The following THEMIS variants were observed in gnomAD, a reference collection of about 807,000 sequenced individuals.
THEMIS encodes protein THEMIS.
A neutral mutation model predicts 52.6 loss-of-function variants in THEMIS; 37 were observed. The observed-to-expected ratio is 0.70, with a 90% CI of 0.54 to 0.93. The LOEUF is 0.93. Ranked by LOEUF, THEMIS falls within the 40% of genes least tolerant of loss-of-function variation. THEMIS has a pLI of 0.00. For missense variants in THEMIS, 808 were observed against 763.1 expected, an observed-to-expected ratio of 1.06 and a Z score of -0.69; for synonymous variants, 292 against 272.7, an observed-to-expected ratio of 1.07 and a Z score of -0.70.
chr6:127,815,302 C>T (rs982220123), intron 3 of THEMIS, among the ~76,000 whole-genome samples: 2 of 151,990 alleles, frequency 1.3e-5, no homozygotes, highest in South Asian at 2.1e-4. Flanking sequence ...GCCACCCTTC[C>T]GTCATTTTTT....
At chr6:127,753,244 G>A (rs1460997045) in intron 4 of THEMIS, among the ~76,000 whole-genome samples, 1 of 151,918 alleles carries the variant, frequency 6.6e-6, no homozygotes, top group Non-Finnish European at 1.5e-5. Flanking sequence ...TTTCTTCTAA[G>A]ATCAAGAACA....
intron 2 of THEMIS, among the ~76,000 whole-genome samples, chr6:127,840,433 G>C (rs1048918670): frequency 6.6e-6 from 1 of 152,012 alleles, no homozygotes; most frequent in Non-Finnish European, 1.5e-5. Flanking sequence ...GTATGCATGT[G>C]TACAATGTAC....
intron 4 of THEMIS, among the ~76,000 whole-genome samples, chr6:127,722,751 G>A (rs1013387160): frequency 4.6e-5 from 7 of 151,824 alleles, no homozygotes; most frequent in Non-Finnish European, 1.0e-4. Flanking sequence ...TATTCCTGTC[G>A]TCTAACTGTG....
At chr6:127,843,234 C>T (rs529051145) in intron 2 of THEMIS, among the ~76,000 whole-genome samples, 5 of 151,636 alleles carry the variant, frequency 3.3e-5, no homozygotes, top group Admixed American at 6.6e-5. Flanking sequence ...TAGAAAAATT[C>T]CTTATTATGG....
the THEMIS span, among the ~76,000 whole-genome samples, chr6:127,701,617 A>G: frequency 6.6e-6 from 1 of 152,150 alleles, no homozygotes; most frequent in African/African-American, 2.4e-5. Context: ...ACAGTGCCAA[A>G]CAGTTTTCCA....
intron 3 of THEMIS, among the ~76,000 whole-genome samples, chr6:127,818,093 C>T (rs1258022264): frequency 1.3e-5 from 2 of 152,166 alleles, no homozygotes; most frequent in Non-Finnish European, 2.9e-5. Context: ...ACCAAGCCAC[C>T]TCTAATATTC....
chr6:127,844,178 C>A (rs1779139903), intron 2 of THEMIS, among the ~76,000 whole-genome samples: 1 of 151,942 alleles, frequency 6.6e-6, no homozygotes, highest in Admixed American at 6.6e-5. Context: ...TCAGCGTAAC[C>A]ACTTGCTATG....
intron 1 of THEMIS, among the ~76,000 whole-genome samples, chr6:127,870,103 C>A (rs562908953): frequency 6.6e-6 from 1 of 152,176 alleles, no homozygotes; most frequent in South Asian, 2.1e-4. Flanking sequence ...ACTTCCACTC[C>A]CATTCGTAAG....
chr6:127,816,293 A>C (rs776848256), intron 3 of THEMIS, among the ~76,000 whole-genome samples: 1 of 152,054 alleles, frequency 6.6e-6, no homozygotes, highest in Non-Finnish European at 1.5e-5. Flanking sequence ...CCACGCCTAC[A>C]CTGATCTTAA....
intron 1 of THEMIS, among the ~76,000 whole-genome samples, chr6:127,874,216 A>C (rs542017151): frequency 6.6e-6 from 1 of 152,306 alleles, no homozygotes; most frequent in East Asian, 1.9e-4. Context: ...GATGCTTCCA[A>C]CACTTGAGCT....
At chr6:127,832,775 A>ATATTTTT (rs1251377975) in intron 2 of THEMIS, among the ~76,000 whole-genome samples, 1 of 54,064 alleles carries the variant, frequency 1.8e-5, no homozygotes, top group Non-Finnish European at 3.3e-5. Flanking sequence ...GGATTGTCAG[A>ATATTTTT]TCTTTTTTTT....
At chr6:127,756,998 TA>T (rs879692430) in intron 4 of THEMIS, among the ~76,000 whole-genome samples, 5 of 152,284 alleles carry the variant, frequency 3.3e-5, no homozygotes, top group South Asian at 2.1e-4. Flanking sequence ...GTACTTCAAG[TA>T]AAAAAACAAT....
At chr6:127,794,469 A>C (rs1350563452) in intron 4 of THEMIS, among the ~76,000 whole-genome samples, 3 of 152,194 alleles carry the variant, frequency 2.0e-5, no homozygotes, top group African/African-American at 7.2e-5. Flanking sequence ...TTTCAGTCGC[A>C]ATATTTCAGC....
intron 4 of THEMIS, among the ~76,000 whole-genome samples, chr6:127,780,619 T>G (rs1479089438): frequency 3.9e-5 from 6 of 152,184 alleles, no homozygotes; most frequent in Non-Finnish European, 7.3e-5. Flanking sequence ...AGCATTTGCT[T>G]GTCTGTAAAG....
At chr6:127,770,409 C>T (rs1776344320) in intron 4 of THEMIS, among the ~76,000 whole-genome samples, 1 of 152,170 alleles carries the variant, frequency 6.6e-6, no homozygotes, top group Admixed American at 6.5e-5. Context: ...CTTTTGGTTG[C>T]ATAAATGTCT....
chr6:127,879,876 T>C (rs1780426850), intron 1 of THEMIS, among the ~76,000 whole-genome samples: 1 of 152,012 alleles, frequency 6.6e-6, no homozygotes, highest in African/African-American at 2.4e-5. Flanking sequence ...GTATTTTCCC[T>C]ACCAGCTCCG....
upstream of THEMIS, among the ~76,000 whole-genome samples, chr6:127,902,780 A>G (rs1427298163): frequency 6.6e-6 from 1 of 152,048 alleles, no homozygotes; most frequent in East Asian, 1.9e-4. Flanking sequence ...ACAGCCTAGT[A>G]GTGTATTTCA....
At chr6:127,727,560 TTAGCC>T (rs1360411165) in intron 4 of THEMIS, among the ~76,000 whole-genome samples, 1 of 152,134 alleles carries the variant, frequency 6.6e-6, no homozygotes, top group African/African-American at 2.4e-5. Flanking sequence ...TGAAATCATC[TTAGCC>T]TTCTGAGTAT....
chr6:127,877,148 T>C (rs1362510939), intron 1 of THEMIS, among the ~76,000 whole-genome samples: 1 of 152,222 alleles, frequency 6.6e-6, no homozygotes, highest in Non-Finnish European at 1.5e-5. Context: ...TTTTTGCTGG[T>C]AGAGGGTCCT....
Sources: gnomAD v4.1 joint callset for allele counts (sites outside exome capture counted in the v4.1 genomes callset) on GRCh38, gnomAD v4.1.1 for gene constraint, MANE v1.5 for transcripts, NCBI Gene and HGNC (gene_info 2026-07-23, HGNC 2026-07-21) for gene names.